PIK3C3: variants seen among roughly 807,000 people sequenced by gnomAD.
The protein encoded by PIK3C3 is PI3-kinase type 3.
A neutral mutation model predicts 126.1 loss-of-function variants in PIK3C3; 95 were observed. The ratio of observed to expected loss-of-function variants is 0.75; its 90% CI spans 0.64 to 0.89. The LOEUF (loss-of-function observed/expected upper bound fraction) is 0.89, where lower values mean the gene tolerates loss of function less well. PIK3C3 is among the 40% of genes least tolerant of loss of function. The pLI, the probability that PIK3C3 is intolerant of heterozygous loss-of-function variation, is 0.00. For synonymous variants in PIK3C3, 374 were observed against 360.0 expected, an observed-to-expected ratio of 1.04 and a Z score of -0.44; for missense variants, 829 against 1,063.2, an observed-to-expected ratio of 0.78 and a Z score of 3.06.
intron 19 of PIK3C3, among the ~76,000 whole-genome samples, chr18:42,043,466 G>GT (rs1056796355): frequency 4.6e-5 from 7 of 152,036 alleles, no homozygotes; most frequent in African/African-American, 1.7e-4. Flanking sequence ...TTGTTTGTTT[G>GT]TTTTTTGTTT....
chr18:42,025,026 A>C (rs561216099), intron 13 of PIK3C3, among the ~76,000 whole-genome samples: 21 of 151,672 alleles, frequency 1.4e-4, no homozygotes, highest in African/African-American at 4.8e-4. Context: ...GTTAGCCAGG[A>C]TGGTCTCGAT....
In PIK3C3 at chr18:42,086,081, A is replaced by C. The variant is rs892301992; in HGVS notation, c.*4944A>C. On this transcript the variant is annotated 3_prime_UTR_variant, in exon 25 of 25. Transcript: ENST00000262039. ...GGTTGCAGTGAGCTGAGATTGCACC[A>C]TTGCACTGCAGCCTGGGTAATAGAG... 6.6e-6 allele frequency: 1 copy of C among 152,110 alleles called. No homozygotes were observed. The highest frequency in any genetic ancestry group is 1.5e-5 in the Non-Finnish European group (1 of 68,058). The allele number at this position is 152,110 out of a possible 1,614,324, so 9.4% of individuals were successfully genotyped here. A position where few individuals can be genotyped will look rare whatever the true frequency, so the allele number is the denominator to read the frequency against.
At chr18:42,030,700 T>C (rs1186504122) in intron 15 of PIK3C3, among the ~76,000 whole-genome samples, 2 of 152,184 alleles carry the variant, frequency 1.3e-5, no homozygotes, top group East Asian at 1.9e-4. Context: ...CAAATAAATA[T>C]ATTTCTACTA....
chr18:42,024,162 A>C (rs1983448152), intron 13 of PIK3C3, among the ~76,000 whole-genome samples: 1 of 152,242 alleles, frequency 6.6e-6, no homozygotes, highest in African/African-American at 2.4e-5. Flanking sequence ...GCCACAAAAT[A>C]AAATTGCCAG....
chr18:41,986,464 A>G (rs1184861901), intron 4 of PIK3C3, among the ~76,000 whole-genome samples: 1 of 152,100 alleles, frequency 6.6e-6, no homozygotes, highest in African/African-American at 2.4e-5. Flanking sequence ...TTTTGCATCT[A>G]TTACTTTATT....
At chr18:41,958,963 A>G (rs577264364) in intron 2 of PIK3C3, among the ~76,000 whole-genome samples, 1 of 152,326 alleles carries the variant, frequency 6.6e-6, no homozygotes, top group Admixed American at 6.5e-5. Flanking sequence ...ATCTGTTTTT[A>G]AAGCATAACT....
chr18:42,020,590 A>G (rs1268508971), intron 12 of PIK3C3, 48 bp from the exon 13 acceptor site: 1 of 1,174,600 alleles, frequency 8.5e-7, no homozygotes, highest in Non-Finnish European at 1.2e-6. Context: ...ATTTTCCCCC[A>G]TTACTAGTAG....
chr18:42,076,108 A>G (rs1417536735), intron 24 of PIK3C3, among the ~76,000 whole-genome samples: 3 of 77,004 alleles, frequency 3.9e-5, no homozygotes, highest in Admixed American at 1.2e-4. Context: ...ATATATATAT[A>G]TATATATATA....
chr18:42,050,395 T>G (rs187954637), intron 21 of PIK3C3: 63 of 152,280 alleles, frequency 4.1e-4, no homozygotes, highest in African/African-American at 1.3e-3. Flanking sequence ...ACTTACAGCT[T>G]TTTACCTCAG....
intron 4 of PIK3C3, among the ~76,000 whole-genome samples, chr18:41,971,761 A>T (rs988576532): frequency 1.3e-5 from 2 of 152,064 alleles, no homozygotes; most frequent in Admixed American, 1.3e-4. Context: ...AAAAAAGAAT[A>T]AAGAATAATA....
At chr18:42,057,454 G>T (rs775353370) in intron 21 of PIK3C3, among the ~76,000 whole-genome samples, 4 of 151,978 alleles carry the variant, frequency 2.6e-5, no homozygotes, top group African/African-American at 9.7e-5. Context: ...TAATAAGTTA[G>T]CAGAAGGATT....
At chr18:41,999,461 T>C (rs1029933078) in intron 9 of PIK3C3, among the ~76,000 whole-genome samples, 1 of 152,160 alleles carries the variant, frequency 6.6e-6, no homozygotes, top group African/African-American at 2.4e-5. Flanking sequence ...TATAAGGCTG[T>C]TTCTGAGACA....
chr18:41,966,485 G>T (rs541323191), intron 3 of PIK3C3, among the ~76,000 whole-genome samples: 1 of 151,852 alleles, frequency 6.6e-6, no homozygotes, highest in Non-Finnish European at 1.5e-5. Flanking sequence ...TTCTTTACTT[G>T]ATATCTTTAT....
At chr18:41,976,771 TTTTA>T (rs1980941949) in intron 4 of PIK3C3, among the ~76,000 whole-genome samples, 1 of 152,242 alleles carries the variant, frequency 6.6e-6, no homozygotes, top group Admixed American at 6.5e-5. Flanking sequence ...TTTTACTTGC[TTTTA>T]TTTGAGTCTG....
chr18:42,029,591 G>A, intron 15 of PIK3C3, 150 bp downstream of exon 15: 2 of 491,176 alleles, frequency 4.1e-6, no homozygotes, highest in Non-Finnish European at 7.3e-6. Flanking sequence ...CGCCCAGGTT[G>A]GAGTGCAGTG....
chr18:41,986,478 G>A (rs147753585), intron 4 of PIK3C3, among the ~76,000 whole-genome samples: 2,018 of 152,154 alleles, frequency 0.013, 18 homozygotes, highest in South Asian at 0.021. Flanking sequence ...CTTTATTTGA[G>A]TTTTGGGAGT....
At chr18:41,971,344 A>G (rs1231958601) in intron 4 of PIK3C3, 1 of 152,128 alleles carries the variant, frequency 6.6e-6, no homozygotes, top group Non-Finnish European at 1.5e-5. Flanking sequence ...TATAGAAGAA[A>G]TCTTCAAGAA....
At chr18:42,009,709 CA>C (rs1982724312) in intron 10 of PIK3C3, among the ~76,000 whole-genome samples, 2 of 146,034 alleles carry the variant, frequency 1.4e-5, no homozygotes, top group African/African-American at 5.3e-5. Flanking sequence ...GTAATGCTTA[CA>C]TTATGTAATG....
intron 13 of PIK3C3, among the ~76,000 whole-genome samples, chr18:42,022,318 A>G (rs1236324368): frequency 1.3e-5 from 2 of 151,964 alleles, no homozygotes; most frequent in African/African-American, 4.8e-5. Flanking sequence ...TCAGTGTGTG[A>G]TGTTCCCCGC....
Sources: gnomAD v4.1 joint callset for allele counts (sites outside exome capture counted in the v4.1 genomes callset) on GRCh38, gnomAD v4.1.1 for gene constraint, MANE v1.5 for transcripts, NCBI Gene and HGNC (gene_info 2026-07-23, HGNC 2026-07-21) for gene names.